The following DMD variants were observed in gnomAD, a reference collection of about 807,000 sequenced individuals.
DMD encodes the protein dystrophin.
Under a neutral mutation model 330.1 loss-of-function variants are expected in DMD, and 63 were observed. That is an observed-to-expected ratio of 0.19 (90% CI 0.16 to 0.24). The LOEUF (loss-of-function observed/expected upper bound fraction) is 0.24, where lower values mean the gene tolerates loss of function less well. Ranked by LOEUF, DMD falls within the 10% of genes least tolerant of loss-of-function variation. The pLI is 1.00. For missense variants in DMD, 3,344 were observed against 2,684.1 expected, an observed-to-expected ratio of 1.25 and a Z score of -5.43; for synonymous variants, 1,223 against 959.8, an observed-to-expected ratio of 1.27 and a Z score of -5.07.
intron 2 of DMD, among the ~76,000 whole-genome samples, chrX:32,910,355 T>C (rs898682279): frequency 8.0e-5 from 9 of 111,820 alleles, no homozygotes; most frequent in African/African-American, 2.9e-4. Flanking sequence ...GGGTTAGAAT[T>C]ATGATGTGAA....
At chrX:31,214,241 A>G (rs1009584640) in intron 64 of DMD, among the ~76,000 whole-genome samples, 1 of 112,370 alleles carries the variant, frequency 8.9e-6, no homozygotes, top group African/African-American at 3.2e-5. Flanking sequence ...TCCCTATGTC[A>G]CTACAGGTTT....
chrX:32,665,490 G>T (rs1195624579), intron 9 of DMD, among the ~76,000 whole-genome samples: 1 of 112,152 alleles, frequency 8.9e-6, no homozygotes, highest in African/African-American at 3.2e-5. Flanking sequence ...CACTTAAGAA[G>T]CAATGTCTTA....
At chrX:32,635,128 T>A (rs1270341290) in intron 11 of DMD, among the ~76,000 whole-genome samples, 5 of 111,404 alleles carry the variant, frequency 4.5e-5, no homozygotes, top group Non-Finnish European at 9.4e-5. Context: ...AGGGCAGCAC[T>A]GATTTTCAAT....
At position 32,716,459 on chromosome X, in the gene DMD, T is replaced by C. The variant is rs1372105629; in HGVS notation, c.650-17166A>G. Among the ~76,000 whole-genome samples the C allele has an allele frequency of 2.7e-5, 3 of 111,718 alleles. No homozygotes were observed. In the Admixed American group the frequency reaches 2.9e-4, roughly 11 times the overall value. On this transcript the variant is annotated intron_variant, in intron 7 of 78. Coordinates refer to ENST00000357033, the MANE Select transcript of DMD (RefSeq NM_004006.3). Reference sequence around the variant, plus strand: ...CTGAGGTATCCCCAGCCATACTTCCTGTACAGCCTGAAGAACTTTGAGTTA... The same window carrying C: ...CTGAGGTATCCCCAGCCATACTTCCCGTACAGCCTGAAGAACTTTGAGTTA...
At chrX:32,472,724 GA>G (rs1296105556) in intron 21 of DMD, among the ~76,000 whole-genome samples, 3 of 109,954 alleles carry the variant, frequency 2.7e-5, no homozygotes, top group Admixed American at 9.8e-5. Context: ...ATTTGCCTTG[GA>G]AAAAAAATAG....
chrX:31,287,185 G>A (rs2053282414), intron 62 of DMD, among the ~76,000 whole-genome samples: 1 of 112,375 alleles, frequency 8.9e-6, no homozygotes, highest in Non-Finnish European at 1.9e-5. Context: ...TGCCTGCTAT[G>A]TATAAGTGTA....
chrX:32,414,253 T>A (rs1230778833), intron 29 of DMD, among the ~76,000 whole-genome samples: 1 of 111,902 alleles, frequency 8.9e-6, no homozygotes, highest in Non-Finnish European at 1.9e-5. Context: ...AGTGGACATC[T>A]CTTCCAAGTG....
At chrX:31,658,209 T>A (rs1041579949) in intron 53 of DMD, 65 bp from the exon 54 acceptor site, 5 of 1,128,466 alleles carry the variant, frequency 4.4e-6, no homozygotes, top group Non-Finnish European at 6.1e-6. Flanking sequence ...AGTTGGAGTG[T>A]CTTAAAATAC....
intron 60 of DMD, among the ~76,000 whole-genome samples, chrX:31,354,842 G>T (rs1214692449): frequency 8.9e-6 from 1 of 112,236 alleles, no homozygotes; most frequent in African/African-American, 3.2e-5. Context: ...ATGAATGAAT[G>T]AAAGGCTTTT....
intron 55 of DMD, among the ~76,000 whole-genome samples, chrX:31,549,501 T>C (rs977348400): frequency 1.1e-4 from 12 of 112,111 alleles, no homozygotes; most frequent in Admixed American, 9.5e-4. Flanking sequence ...ATTTTAACTC[T>C]GCTACTGTGT....
intron 2 of DMD, among the ~76,000 whole-genome samples, chrX:32,880,072 T>C (rs1181402698): frequency 1.8e-5 from 2 of 111,228 alleles, no homozygotes; most frequent in African/African-American, 6.5e-5. Flanking sequence ...TTCATCTCAA[T>C]TGAGCAAGGA....
chrX:31,625,789 T>C (rs1363671918), intron 55 of DMD, among the ~76,000 whole-genome samples: 6 of 111,204 alleles, frequency 5.4e-5, no homozygotes, highest in Admixed American at 2.9e-4. Context: ...TAGTAGAAAA[T>C]AGACGTATTT....
intron 5 of DMD, among the ~76,000 whole-genome samples, chrX:32,820,435 C>G (rs746892476): frequency 6.3e-5 from 7 of 110,826 alleles, no homozygotes; most frequent in Admixed American, 9.6e-5. Flanking sequence ...GAGCGAGACT[C>G]TGTCTCAAAA....
chrX:31,989,515 T>C (rs1312026805), intron 44 of DMD, among the ~76,000 whole-genome samples: 1 of 111,610 alleles, frequency 9.0e-6, no homozygotes, highest in Non-Finnish European at 1.9e-5. Context: ...TGAATCTATT[T>C]GACAGACCTG....
chrX:31,570,322 A>G (rs936205506), intron 55 of DMD, among the ~76,000 whole-genome samples: 3 of 111,496 alleles, frequency 2.7e-5, no homozygotes, highest in Admixed American at 1.9e-4. Flanking sequence ...GAGACATGAT[A>G]TCAATATTAT....
chrX:32,533,082 C>A (rs2047630356), intron 17 of DMD, among the ~76,000 whole-genome samples: 1 of 111,230 alleles, frequency 9.0e-6, no homozygotes. Context: ...TATTTACTCT[C>A]TGGCCCTTTA....
intron 44 of DMD, among the ~76,000 whole-genome samples, chrX:31,999,945 T>A (rs954462346): frequency 8.9e-6 from 1 of 112,268 alleles, no homozygotes; most frequent in Non-Finnish European, 1.9e-5. Flanking sequence ...TAGCTGCAAA[T>A]TCTTACAACA....
intron 57 of DMD, among the ~76,000 whole-genome samples, chrX:31,483,675 G>A (rs1471326315): frequency 1.8e-5 from 2 of 112,181 alleles, no homozygotes; most frequent in African/African-American, 6.5e-5. Flanking sequence ...AGAAAAGAAA[G>A]TGGATGGAAG....
At chrX:32,955,064 G>T (rs2091490512) in intron 2 of DMD, among the ~76,000 whole-genome samples, 1 of 111,744 alleles carries the variant, frequency 8.9e-6, no homozygotes. Flanking sequence ...ATGCAGTAAT[G>T]ATATTGCTGG....
Sources: allele counts gnomAD v4.1 joint callset (sites outside exome capture counted in the v4.1 genomes callset), GRCh38; gene constraint gnomAD v4.1.1; transcripts MANE v1.5; gene names NCBI Gene and HGNC (gene_info 2026-07-23, HGNC 2026-07-21).